PACRG: variants seen among roughly 807,000 people sequenced by gnomAD.
PACRG encodes the protein parkin coregulated.
A neutral mutation model predicts 29.7 loss-of-function variants in PACRG; 29 were observed. The observed-to-expected ratio is 0.98, with a 90% CI of 0.73 to 1.33. PACRG has a LOEUF of 1.33. Ranked by LOEUF, PACRG falls within the 40% of genes most tolerant of loss-of-function variation. PACRG has a pLI of 0.00. For synonymous variants in PACRG, 116 were observed against 118.7 expected (o/e 0.98, Z 0.15); for missense variants, 279 against 316.2 (o/e 0.88, Z 0.89).
intron 4 of PACRG, among the ~76,000 whole-genome samples, chr6:163,217,510 G>T (rs567753654): frequency 6.6e-6 from 1 of 152,210 alleles, no homozygotes; most frequent in Admixed American, 6.5e-5. Context: ...TACATACCCC[G>T]AGGGTAGGGG....
intron 2 of PACRG, among the ~76,000 whole-genome samples, chr6:162,903,612 C>A (rs567301240): frequency 7.2e-5 from 11 of 152,276 alleles, no homozygotes; most frequent in South Asian, 2.1e-4. Flanking sequence ...ATGGGGGAAA[C>A]TGCCCCCATG....
intron 2 of PACRG, among the ~76,000 whole-genome samples, chr6:162,843,951 C>A (rs1790069568): frequency 1.0e-5 from 1 of 97,136 alleles, no homozygotes; most frequent in East Asian, 2.9e-4. Flanking sequence ...GGCAGTCTGC[C>A]CGTTCTCAGA....
intron 2 of PACRG, among the ~76,000 whole-genome samples, chr6:163,010,474 A>G (rs1397725730): frequency 6.6e-6 from 1 of 152,128 alleles, no homozygotes. Context: ...CTACTCATCC[A>G]TCAGTGCAGC....
intron 1 of PACRG, among the ~76,000 whole-genome samples, chr6:162,794,165 AT>A (rs960654606): frequency 2.0e-5 from 3 of 152,142 alleles, no homozygotes; most frequent in Non-Finnish European, 4.4e-5. Flanking sequence ...ATCTAGTAAC[AT>A]AAAGATGTTT....
chr6:163,185,993 CCT>C (rs1375373874), intron 4 of PACRG, among the ~76,000 whole-genome samples: 2 of 152,280 alleles, frequency 1.3e-5, no homozygotes, highest in South Asian at 2.1e-4. Context: ...CGTGCCCCCT[CCT>C]CTCTCTGTTT....
chr6:163,117,190 C>T (rs1193224748), intron 4 of PACRG, among the ~76,000 whole-genome samples: 1 of 152,202 alleles, frequency 6.6e-6, no homozygotes, highest in Non-Finnish European at 1.5e-5. Context: ...CCCTGCAAAC[C>T]ATCTAGGAAA....
intron 2 of PACRG, among the ~76,000 whole-genome samples, chr6:162,947,617 T>TATATATATATATAATC (rs1554313357): frequency 5.7e-4 from 22 of 38,336 alleles, no homozygotes; most frequent in African/African-American, 2.1e-3. Context: ...TAATCATATA[T>TATATATATATATAATC]ATATATATAT....
chr6:162,979,367 T>G (rs1276976304), intron 2 of PACRG, among the ~76,000 whole-genome samples: 1 of 152,164 alleles, frequency 6.6e-6, no homozygotes, highest in Non-Finnish European at 1.5e-5. Context: ...GCCCATTTCT[T>G]TATTGGATTA....
chr6:163,058,319 C>G (rs1441578559), intron 2 of PACRG, among the ~76,000 whole-genome samples: 1 of 152,154 alleles, frequency 6.6e-6, no homozygotes, highest in African/African-American at 2.4e-5. Flanking sequence ...AATCCAGCAG[C>G]TCCTTACACA....
At chr6:163,029,536 G>A (rs529790801) in intron 2 of PACRG, among the ~76,000 whole-genome samples, 38 of 152,268 alleles carry the variant, frequency 2.5e-4, no homozygotes, top group Non-Finnish European at 5.0e-4. Context: ...ACAAATCTGC[G>A]TTGCCAGCCA....
At chr6:163,218,728 A>T (rs1316851449) in intron 4 of PACRG, among the ~76,000 whole-genome samples, 1 of 151,998 alleles carries the variant, frequency 6.6e-6, no homozygotes, top group Non-Finnish European at 1.5e-5. Context: ...TCGCTCCCTC[A>T]TCTCCTGGGC....
At chr6:162,870,735 A>T (rs1481272619) in intron 2 of PACRG, among the ~76,000 whole-genome samples, 1 of 152,194 alleles carries the variant, frequency 6.6e-6, no homozygotes. Context: ...ACCACAACTG[A>T]TATCTTACTT....
chr6:162,881,963 G>GT (rs550090540), intron 2 of PACRG, among the ~76,000 whole-genome samples: 5 of 133,748 alleles, frequency 3.7e-5, no homozygotes, highest in African/African-American at 1.4e-4. Context: ...GAGATGGGTG[G>GT]GGGGGGGCAC....
chr6:162,754,616 T>G (rs1484581636), intron 1 of PACRG, among the ~76,000 whole-genome samples: 4 of 150,704 alleles, frequency 2.7e-5, no homozygotes, highest in African/African-American at 4.9e-5. Context: ...ATAGTTAAGT[T>G]TTTTTTTTTA....
chr6:163,221,318 G>T (rs559431283), intron 4 of PACRG, among the ~76,000 whole-genome samples: 2 of 152,334 alleles, frequency 1.3e-5, no homozygotes, highest in Admixed American at 1.3e-4. Context: ...CTGAATCTGG[G>T]TGTTGCGGGA....
chr6:162,861,781 A>G (rs1791880360), intron 2 of PACRG, among the ~76,000 whole-genome samples: 3 of 152,188 alleles, frequency 2.0e-5, no homozygotes, highest in Admixed American at 6.5e-5. Flanking sequence ...TATGCTCACT[A>G]TAATTGTTGG....
intron 4 of PACRG, among the ~76,000 whole-genome samples, chr6:163,107,199 T>G (rs977198744): frequency 2.0e-4 from 30 of 152,308 alleles, no homozygotes; most frequent in African/African-American, 7.0e-4. Context: ...ATGAGGGTTC[T>G]TTCATATTTT....
chr6:163,294,308 T>G (rs1201419170), intron 4 of PACRG, among the ~76,000 whole-genome samples: 1 of 152,238 alleles, frequency 6.6e-6, no homozygotes, highest in Non-Finnish European at 1.5e-5. Flanking sequence ...AATATTATTT[T>G]GTATCCCCTA....
chr6:163,144,233 C>CAAAAAAAAAAAAAA, intron 4 of PACRG, among the ~76,000 whole-genome samples: 1 of 101,968 alleles, frequency 9.8e-6, no homozygotes, highest in African/African-American at 3.8e-5. Flanking sequence ...CGTCTCAAAA[C>CAAAAAAAAAAAAAA]AAAAAAAAAA....
Sources: gnomAD v4.1 joint callset for allele counts (sites outside exome capture counted in the v4.1 genomes callset) on GRCh38, gnomAD v4.1.1 for gene constraint, MANE v1.5 for transcripts, NCBI Gene and HGNC (gene_info 2026-07-23, HGNC 2026-07-21) for gene names.